The following MAGI1 variants were observed in gnomAD, a reference collection of about 807,000 sequenced individuals.
The protein encoded by MAGI1 is membrane-associated guanylate kinase, WW and PDZ domain-containing protein 1.
Under a neutral mutation model 139.9 loss-of-function variants are expected in MAGI1, and 58 were observed. The ratio of observed to expected loss-of-function variants is 0.41; its 90% CI spans 0.34 to 0.52. The LOEUF is 0.52. Among genes scored for constraint, MAGI1 ranks in the 20% least tolerant of loss-of-function variants. MAGI1 has a pLI of 0.12. For synonymous variants in MAGI1, 812 were observed against 737.9 expected (o/e 1.10, Z -1.63); for missense variants, 1,874 against 1,901.6 (o/e 0.99, Z 0.27).
intron 2 of MAGI1, chr3:65,609,638 G>C (rs1418727823): frequency 6.4e-6 from 1 of 155,896 alleles, no homozygotes; most frequent in Non-Finnish European, 1.4e-5. Flanking sequence ...ACCCTGAAGT[G>C]CAGTGGCATG....
chr3:65,749,696 G>A (rs1415333304), intron 1 of MAGI1, among the ~76,000 whole-genome samples: 2 of 143,444 alleles, frequency 1.4e-5, no homozygotes, highest in Non-Finnish European at 3.0e-5. Context: ...TATAAAACCA[G>A]GTCTAGTCTG....
intron 1 of MAGI1, among the ~76,000 whole-genome samples, chr3:65,965,340 T>A (rs563295079): frequency 6.6e-6 from 1 of 152,206 alleles, no homozygotes; most frequent in Non-Finnish European, 1.5e-5. Context: ...TTTATTTTCA[T>A]GTAATTAAAT....
chr3:65,820,421 T>C (rs1232772411), intron 1 of MAGI1, among the ~76,000 whole-genome samples: 2 of 152,138 alleles, frequency 1.3e-5, no homozygotes, highest in African/African-American at 2.4e-5. Context: ...TGATCCTCCA[T>C]GTCAAGGGGC....
intron 1 of MAGI1, among the ~76,000 whole-genome samples, chr3:65,667,288 A>T (rs1001754027): frequency 6.6e-6 from 1 of 152,144 alleles, no homozygotes; most frequent in Non-Finnish European, 1.5e-5. Flanking sequence ...ATGGGAGGGG[A>T]GGTTTCAAAA....
chr3:65,819,694 T>C (rs551268721), intron 1 of MAGI1, among the ~76,000 whole-genome samples: 7 of 151,574 alleles, frequency 4.6e-5, no homozygotes, highest in South Asian at 4.2e-4. Flanking sequence ...CTGACCAACA[T>C]AGTGAAACCT....
chr3:65,911,150 G>A (rs1439567399), intron 1 of MAGI1, among the ~76,000 whole-genome samples: 2 of 151,966 alleles, frequency 1.3e-5, no homozygotes, highest in African/African-American at 2.4e-5. Flanking sequence ...GAGCCACAGC[G>A]CCTGGCCTGG....
intron 2 of MAGI1, among the ~76,000 whole-genome samples, chr3:65,531,635 A>G (rs898225289): frequency 6.6e-6 from 1 of 152,146 alleles, no homozygotes; most frequent in African/African-American, 2.4e-5. Context: ...ACAATTGCTC[A>G]GATGAAGCAC....
intron 1 of MAGI1, among the ~76,000 whole-genome samples, chr3:65,815,410 C>T (rs537937299): frequency 6.6e-6 from 1 of 152,308 alleles, no homozygotes; most frequent in East Asian, 1.9e-4. Flanking sequence ...CAAGCAACTT[C>T]TGGTAGATAA....
At chr3:65,470,108 TAA>T (rs1022929932) in intron 5 of MAGI1, 173 bp downstream of exon 5, 13 of 546,710 alleles carry the variant, frequency 2.4e-5, no homozygotes, top group African/African-American at 3.8e-5. Context: ...TGAGAATCGA[TAA>T]GTTGGTAATA....
chr3:65,596,670 T>C (rs777441643), intron 2 of MAGI1, among the ~76,000 whole-genome samples: 4 of 152,164 alleles, frequency 2.6e-5, no homozygotes, highest in Admixed American at 6.5e-5. Context: ...CCAGGTCAGT[T>C]AGACTTAGGA....
In MAGI1 at chr3:65,471,253, C is replaced by T. The variant is rs537761380; in HGVS notation, c.758-769G>A. Among the ~76,000 whole-genome samples, 20 of 152,176 alleles carry T rather than the reference C, an allele frequency of 1.3e-4. No homozygotes were observed. The East Asian group carries it at 3.7e-3, about 28-fold the overall frequency. ...CAGGGGTGATGTCATCAAAGTATCC[C>T]CGAATGGCATTATTGACATTCTGGT... On this transcript the variant is annotated intron_variant, in intron 4 of 22. Transcript: ENST00000402939.
chr3:65,489,264 T>A (rs1239825501), intron 3 of MAGI1, among the ~76,000 whole-genome samples: 1 of 152,216 alleles, frequency 6.6e-6, no homozygotes, highest in African/African-American at 2.4e-5. Flanking sequence ...TTAAAAAACA[T>A]AAGCACCTTC....
intron 8 of MAGI1, among the ~76,000 whole-genome samples, chr3:65,442,316 C>A (rs550323937): frequency 1.3e-5 from 2 of 152,230 alleles, no homozygotes; most frequent in South Asian, 4.1e-4. Context: ...TCAATCCTGG[C>A]AACATTTCAT....
intron 1 of MAGI1, among the ~76,000 whole-genome samples, chr3:65,987,542 A>G (rs560693473): frequency 6.6e-6 from 1 of 152,296 alleles, no homozygotes; most frequent in Admixed American, 6.5e-5. Context: ...AAAACCCTCA[A>G]GAATTAAGAA....
At chr3:65,996,490 A>C (rs1230242958) in intron 1 of MAGI1, among the ~76,000 whole-genome samples, 2 of 142,968 alleles carry the variant, frequency 1.4e-5, no homozygotes, top group East Asian at 4.5e-4. Context: ...AAAAAGCCGT[A>C]ATTTTCCATC....
intron 1 of MAGI1, among the ~76,000 whole-genome samples, chr3:65,689,024 A>G (rs12635078): frequency 0.13 from 20,056 of 152,190 alleles, 2,051 homozygotes; most frequent in East Asian, 0.43. Flanking sequence ...TTTGTGCCCC[A>G]AATTGTCCTC....
At chr3:65,796,963 TTCTC>T (rs1343437244) in intron 1 of MAGI1, among the ~76,000 whole-genome samples, 1 of 152,226 alleles carries the variant, frequency 6.6e-6, no homozygotes, top group Non-Finnish European at 1.5e-5. Flanking sequence ...TTTTCATTCT[TTCTC>T]TCATCTTCCA....
chr3:66,026,959 T>TC (rs1344720099), intron 1 of MAGI1, among the ~76,000 whole-genome samples: 1 of 151,818 alleles, frequency 6.6e-6, no homozygotes, highest in East Asian at 1.9e-4. Flanking sequence ...CTTTTTTTTT[T>TC]CTTCTTTTTC....
At chr3:65,846,990 A>AAAC (rs1553716747) in intron 1 of MAGI1, among the ~76,000 whole-genome samples, 1 of 151,392 alleles carries the variant, frequency 6.6e-6, no homozygotes, top group Non-Finnish European at 1.5e-5. Flanking sequence ...AAAAAAAAAA[A>AAAC]AAAAAACCCT....
Sources: allele counts gnomAD v4.1 joint callset (sites outside exome capture counted in the v4.1 genomes callset), GRCh38; gene constraint gnomAD v4.1.1; transcripts MANE v1.5; gene names NCBI Gene and HGNC (gene_info 2026-07-23, HGNC 2026-07-21).